The following RBMS3 variants were observed in gnomAD, a reference collection of about 807,000 sequenced individuals.
The protein encoded by RBMS3 is RNA binding motif single stranded interacting protein 3, also known as RNA-binding motif, single-stranded-interacting protein 3.
RBMS3 carries 27 observed loss-of-function variants against 66.8 expected under a neutral mutation model. The observed-to-expected ratio is 0.40, with a 90% CI of 0.30 to 0.56. The LOEUF is 0.56. RBMS3 is among the 20% of genes least tolerant of loss of function. The probability of loss-of-function intolerance (pLI) is 0.40; values close to 1 mark genes in which losing one functional copy is unlikely to be tolerated. For synonymous variants in RBMS3, 188 were observed against 183.0 expected, an observed-to-expected ratio of 1.03 and a Z score of -0.22; for missense variants, 513 against 549.5, an observed-to-expected ratio of 0.93 and a Z score of 0.66.
At chr3:29,472,546 A>T (rs1292351200) in intron 2 of RBMS3, among the ~76,000 whole-genome samples, 1 of 151,842 alleles carries the variant, frequency 6.6e-6, no homozygotes, top group East Asian at 1.9e-4. Flanking sequence ...TACAACTCTT[A>T]AGGCGGCGCG....
chr3:29,352,877 T>C lies in RBMS3; in HGVS notation c.75+71121T>C, dbSNP rs529722903. 6.6e-5 allele frequency among the ~76,000 whole-genome samples: 10 copies of C among 152,022 alleles called. No homozygotes were observed. The South Asian group carries it at 2.1e-3, about 32-fold the overall frequency. On this transcript the variant is annotated intron_variant, in intron 1 of 14. Transcript: ENST00000383767. ...TCTGCCAGGCCTATTTTACTTAACATAGTGACCTCCAGTTCCATCCATGTC... is the reference window on the plus strand; with the variant it reads ...TCTGCCAGGCCTATTTTACTTAACACAGTGACCTCCAGTTCCATCCATGTC...
chr3:29,780,690 C>A (rs2056601061), intron 6 of RBMS3, among the ~76,000 whole-genome samples: 1 of 152,074 alleles, frequency 6.6e-6, no homozygotes, highest in Non-Finnish European at 1.5e-5. Flanking sequence ...TCTTTGATAT[C>A]ACCTTTTCCT....
chr3:29,551,228 T>G (rs971776166), intron 3 of RBMS3, among the ~76,000 whole-genome samples: 1 of 152,216 alleles, frequency 6.6e-6, no homozygotes, highest in South Asian at 2.1e-4. Context: ...GATTGACATA[T>G]AGATCTTTTG....
At chr3:29,416,865 T>C (rs576481257) in intron 1 of RBMS3, among the ~76,000 whole-genome samples, 13 of 152,280 alleles carry the variant, frequency 8.5e-5, no homozygotes, top group South Asian at 4.1e-4. Flanking sequence ...CACATTGTTA[T>C]GCCCAAATTT....
At chr3:29,898,950 G>C (rs148535410) in intron 9 of RBMS3, among the ~76,000 whole-genome samples, 2 of 151,586 alleles carry the variant, frequency 1.3e-5, no homozygotes, top group African/African-American at 2.4e-5. Flanking sequence ...AGCAATGATC[G>C]ATGTTGTTGA....
At chr3:29,614,971 G>A (rs1454874429) in intron 4 of RBMS3, 2 of 152,154 alleles carry the variant, frequency 1.3e-5, no homozygotes, top group South Asian at 4.2e-4. Context: ...ATGAGAAGTT[G>A]CTCATTTTCT....
At chr3:29,559,025 G>A (rs769597261) in intron 3 of RBMS3, among the ~76,000 whole-genome samples, 18 of 152,084 alleles carry the variant, frequency 1.2e-4, no homozygotes, top group Non-Finnish European at 2.5e-4. Context: ...GCATAGATAA[G>A]TCAGTGTGTG....
chr3:29,615,762 G>A (rs1440936353), intron 4 of RBMS3, among the ~76,000 whole-genome samples: 3 of 152,112 alleles, frequency 2.0e-5, no homozygotes, highest in South Asian at 4.1e-4. Flanking sequence ...AAGTGACCCA[G>A]AGATATTCAG....
intron 3 of RBMS3, among the ~76,000 whole-genome samples, chr3:29,507,900 A>C (rs899656952): frequency 6.6e-6 from 1 of 152,170 alleles, no homozygotes. Flanking sequence ...AAATTCTCCT[A>C]TCTATAATAG....
intron 2 of RBMS3, 29 bp from the exon 3 acceptor site, chr3:29,488,412 A>G (rs1417354832): frequency 6.6e-7 from 1 of 1,522,374 alleles, no homozygotes; most frequent in Admixed American, 1.8e-5. Context: ...TTACAATAAC[A>G]TGGGTTTTTT....
At chr3:29,942,648 T>C (rs1429251190) in intron 11 of RBMS3, among the ~76,000 whole-genome samples, 1 of 151,882 alleles carries the variant, frequency 6.6e-6, no homozygotes, top group Non-Finnish European at 1.5e-5. Flanking sequence ...AGTGTGGCTA[T>C]TTCCAGGTGA....
At chr3:29,457,429 G>A (rs1277825106) in intron 2 of RBMS3, among the ~76,000 whole-genome samples, 1 of 152,132 alleles carries the variant, frequency 6.6e-6, no homozygotes, top group East Asian at 1.9e-4. Context: ...ACCCTTTAAA[G>A]ATTCTCACAT....
At chr3:29,594,868 A>C (rs994417482) in intron 4 of RBMS3, among the ~76,000 whole-genome samples, 3 of 152,164 alleles carry the variant, frequency 2.0e-5, no homozygotes, top group African/African-American at 7.2e-5. Flanking sequence ...GCTTATATCG[A>C]ATGATTTCCA....
Position 29,956,925 on chromosome 3 carries a change from C to T in RBMS3, c.1098+12671C>T, listed in dbSNP as rs574647181. 3.3e-5 allele frequency among the ~76,000 whole-genome samples: 5 copies of T among 152,190 alleles called. No individual in the cohort carries two copies. In the South Asian group the frequency reaches 1.0e-3, roughly 32 times the overall value. On this transcript the variant is annotated intron_variant, in intron 12 of 14. Coordinates refer to ENST00000383767, the MANE Select transcript of RBMS3 (RefSeq NM_001003793.3). Reference sequence around the variant, plus strand: ...ACATTCATCTGTTACTACTTCTGTTCTCCCGCCATAATGAACTGCTTTCAG... The same window carrying T: ...ACATTCATCTGTTACTACTTCTGTTTTCCCGCCATAATGAACTGCTTTCAG...
chr3:29,431,240 G>T (rs1158638259), intron 1 of RBMS3, among the ~76,000 whole-genome samples: 1 of 150,810 alleles, frequency 6.6e-6, no homozygotes, highest in East Asian at 1.9e-4. Context: ...GAAAAATGTT[G>T]ATACTAAAGC....
intron 8 of RBMS3, among the ~76,000 whole-genome samples, chr3:29,887,092 T>C (rs1036730471): frequency 6.6e-6 from 1 of 151,846 alleles, no homozygotes; most frequent in African/African-American, 2.4e-5. Flanking sequence ...TGCAGGGTGT[T>C]ATGAATTGTC....
At chr3:29,653,596 C>T (rs574696830) in intron 4 of RBMS3, among the ~76,000 whole-genome samples, 1 of 152,144 alleles carries the variant, frequency 6.6e-6, no homozygotes, top group African/African-American at 2.4e-5. Flanking sequence ...TAGGTGGTAA[C>T]TGTTCTTGTG....
intron 6 of RBMS3, among the ~76,000 whole-genome samples, chr3:29,838,298 C>T (rs1256718018): frequency 8.6e-5 from 13 of 151,782 alleles, no homozygotes; most frequent in Admixed American, 8.5e-4. Context: ...ATGAGTGTGC[C>T]ATTGTACTCT....
intron 1 of RBMS3, among the ~76,000 whole-genome samples, chr3:29,399,558 A>G (rs2039711228): frequency 6.6e-6 from 1 of 152,208 alleles, no homozygotes; most frequent in African/African-American, 2.4e-5. Flanking sequence ...CTTTGGCCTC[A>G]TGGTCTCAAA....
Sources: gnomAD v4.1 joint callset for allele counts (sites outside exome capture counted in the v4.1 genomes callset) on GRCh38, gnomAD v4.1.1 for gene constraint, MANE v1.5 for transcripts, NCBI Gene and HGNC (gene_info 2026-07-23, HGNC 2026-07-21) for gene names.